TEX9: variants seen among roughly 807,000 people sequenced by gnomAD.
The protein encoded by TEX9 is testis expressed 9, also known as testis-expressed protein 9.
TEX9 carries 74 observed loss-of-function variants against 59.6 expected under a neutral mutation model. The observed-to-expected ratio is 1.24, with a 90% CI of 1.03 to 1.51. The LOEUF (loss-of-function observed/expected upper bound fraction) is 1.51, where lower values mean the gene tolerates loss of function less well. Ranked by LOEUF, TEX9 falls within the 40% of genes most tolerant of loss-of-function variation. The pLI is 0.00. For synonymous variants in TEX9, 186 were observed against 152.2 expected, an observed-to-expected ratio of 1.22 and a Z score of -1.64; for missense variants, 522 against 447.8, an observed-to-expected ratio of 1.17 and a Z score of -1.49.
At chr15:56,284,501 T>G (rs1301894917) in intron 1 of TEX9, among the ~76,000 whole-genome samples, 4 of 152,064 alleles carry the variant, frequency 2.6e-5, no homozygotes, top group Non-Finnish European at 4.4e-5. Context: ...TATATAATAT[T>G]AATTAAAATA....
At chr15:56,299,272 T>C (rs1460464211) in intron 1 of TEX9, among the ~76,000 whole-genome samples, 3 of 152,196 alleles carry the variant, frequency 2.0e-5, no homozygotes, top group East Asian at 1.9e-4. Context: ...AACTCAGTAC[T>C]GCCCTGTCAC....
At chr15:56,310,510 G>A (rs1400988732) in intron 1 of TEX9, among the ~76,000 whole-genome samples, 3 of 152,182 alleles carry the variant, frequency 2.0e-5, no homozygotes, top group Admixed American at 1.3e-4. Context: ...GAGGCCTAGC[G>A]AAGAAGAGGG....
chr15:56,263,520 T>G (rs1243432609), intron 1 of TEX9, among the ~76,000 whole-genome samples: 1 of 152,246 alleles, frequency 6.6e-6, no homozygotes, highest in Non-Finnish European at 1.5e-5. Context: ...ATTTGATGTT[T>G]CTTTCTTTAT....
At chr15:56,298,682 C>T (rs943919132) in intron 1 of TEX9, among the ~76,000 whole-genome samples, 6 of 152,138 alleles carry the variant, frequency 3.9e-5, no homozygotes, top group Non-Finnish European at 7.4e-5. Flanking sequence ...ACTTTTTCAG[C>T]GTTCACTCAT....
chr15:56,255,748 A>G (rs553649988), intron 1 of TEX9, among the ~76,000 whole-genome samples: 2 of 152,240 alleles, frequency 1.3e-5, no homozygotes, highest in African/African-American at 2.4e-5. Context: ...TGAAAATGAT[A>G]GAAATATAAG....
At chr15:56,296,398 G>C (rs576586895) in intron 1 of TEX9, among the ~76,000 whole-genome samples, 8 of 151,590 alleles carry the variant, frequency 5.3e-5, no homozygotes, top group Non-Finnish European at 1.0e-4. Flanking sequence ...AAATTTTCAA[G>C]ATGAAGACAT....
chr15:56,438,653 T>C (rs1288718483), intron 12 of TEX9, among the ~76,000 whole-genome samples: 1 of 152,084 alleles, frequency 6.6e-6, no homozygotes, highest in Non-Finnish European at 1.5e-5. Context: ...TGGGATCTAA[T>C]TAAACTAAAG....
intron 1 of TEX9, among the ~76,000 whole-genome samples, chr15:56,321,569 T>C (rs1208416497): frequency 6.6e-6 from 1 of 152,092 alleles, no homozygotes; most frequent in African/African-American, 2.4e-5. Context: ...GGAACAGATA[T>C]TGGGAAGGGA....
At chr15:56,456,541 TC>T in the TEX9 span, 1 of 1,604,586 alleles carries the variant, frequency 6.2e-7, no homozygotes, top group Non-Finnish European at 8.5e-7. Context: ...AAATTTAACT[TC>T]GTTGTTTGTC....
chr15:56,444,436 A>G (rs761304057), intron 12 of TEX9: 1 of 1,595,350 alleles, frequency 6.3e-7, no homozygotes, highest in African/African-American at 1.4e-5. Context: ...AAGTTAGGAT[A>G]AACTTACAAC....
intron 9 of TEX9, chr15:56,397,491 G>C (rs530865882): frequency 2.6e-5 from 4 of 152,408 alleles, no homozygotes; most frequent in African/African-American, 9.6e-5. Flanking sequence ...AAGTCTTGAG[G>C]AGCTGAATGT....
At chr15:56,296,888 A>G (rs2045230933) in intron 1 of TEX9, among the ~76,000 whole-genome samples, 1 of 152,032 alleles carries the variant, frequency 6.6e-6, no homozygotes, top group African/African-American at 2.4e-5. Flanking sequence ...AGTTAAGCTC[A>G]GTGTCGTTCC....
intron 1 of TEX9, among the ~76,000 whole-genome samples, chr15:56,275,486 A>G (rs974673969): frequency 3.3e-5 from 5 of 152,182 alleles, no homozygotes; most frequent in Admixed American, 1.3e-4. Flanking sequence ...TGTCATGTAC[A>G]TGGCTCCAAA....
At chr15:56,300,341 C>G (rs2045314890) in intron 1 of TEX9, among the ~76,000 whole-genome samples, 1 of 152,054 alleles carries the variant, frequency 6.6e-6, no homozygotes, top group Non-Finnish European at 1.5e-5. Context: ...CCAGTTCAGA[C>G]ACACTTTAAT....
chr15:56,306,095 C>A (rs1479075854), intron 1 of TEX9, among the ~76,000 whole-genome samples: 1 of 151,742 alleles, frequency 6.6e-6, no homozygotes, highest in Non-Finnish European at 1.5e-5. Flanking sequence ...AAAAGCCAGG[C>A]AATAACAAAT....
At chr15:56,376,044 G>A (rs1342788009) in intron 3 of TEX9, among the ~76,000 whole-genome samples, 2 of 144,856 alleles carry the variant, frequency 1.4e-5, no homozygotes, top group Non-Finnish European at 3.0e-5. Context: ...ACACAGGAAG[G>A]GGAACATCAC....
chr15:56,429,200 G>C, intron 12 of TEX9: 1 of 1,565,952 alleles, frequency 6.4e-7, no homozygotes, highest in Non-Finnish European at 8.7e-7. Flanking sequence ...CTCCCTACGA[G>C]AAAAATACTT....
chr15:56,318,854 T>C (rs1336287996), intron 1 of TEX9, among the ~76,000 whole-genome samples: 1 of 152,118 alleles, frequency 6.6e-6, no homozygotes, highest in Non-Finnish European at 1.5e-5. Context: ...CACATGTCAT[T>C]ATATTATAAA....
chr15:56,413,267 AT>A (rs1420016072), intron 10 of TEX9, among the ~76,000 whole-genome samples: 83 of 111,892 alleles, frequency 7.4e-4, no homozygotes, highest in African/African-American at 2.8e-3. Context: ...TAATTAAATA[AT>A]TTAATAATTA....
Sources: gnomAD v4.1 joint callset for allele counts (sites outside exome capture counted in the v4.1 genomes callset) on GRCh38, gnomAD v4.1.1 for gene constraint, MANE v1.5 for transcripts, NCBI Gene and HGNC (gene_info 2026-07-23, HGNC 2026-07-21) for gene names.